Variants in MRGPRE observed in about 807,000 individuals in gnomAD.
The protein encoded by MRGPRE is MAS related GPR family member E.
For synonymous variants in MRGPRE, 229 were observed against 206.7 expected, an observed-to-expected ratio of 1.11 and a Z score of -0.92; for missense variants, 466 against 433.4, an observed-to-expected ratio of 1.08 and a Z score of -0.67.
At position 3,228,170 on chromosome 11, in the gene MRGPRE, G is replaced by A. The variant is rs1199546646; in HGVS notation, c.630C>T (p.Pro210=). 6.4e-7 allele frequency: 1 copy of A among 1,566,786 alleles called. No individual in the cohort carries two copies. Among genetic ancestry groups the A allele is most frequent in the Non-Finnish European group, 8.7e-7 (1 of 1,156,034 alleles). The part of the protein sequence containing the change: ...LLRVERGPQR[P]PPRGFPGLIL... ...TGAGCCCAGGGAAGCCCCGGGGTGG[G>A]GGCCGCTGGGGGCCTCGCTCCACCC... is the stretch of plus-strand genomic sequence containing the variant. The change falls in exon 2 of 2, where the codon CCC becomes CCT. Residue 210 remains proline, a synonymous_variant. Transcript: ENST00000389832.
rs1323680076 is a variant in MRGPRE, at chr11:3,231,578, G to T, written c.-62+563C>A. 6.7e-6 allele frequency among the ~76,000 whole-genome samples: 1 copy of T among 149,942 alleles called. No individual in the cohort carries two copies. The highest frequency in any genetic ancestry group is 1.5e-5 in the Non-Finnish European group (1 of 67,400). On this transcript the variant is annotated intron_variant, in intron 1 of 1. Coordinates refer to ENST00000389832, the MANE Select transcript of MRGPRE (RefSeq NM_001039165.4). This position sits in a 1 kb window ranked among gnomAD's most constrained non-coding sequence, Gnocchi z 4.7. ...GGGAGGAGAAGGAGGGGAGGAGGCG[G>T]GGGAGGACGATGGAAGAGAACAGGA... is the stretch of plus-strand genomic sequence containing the variant.
In MRGPRE at chr11:3,227,891, G is replaced by T; in HGVS notation, c.909C>A (p.Ser303=). Residue 303 remains serine (S), a synonymous_variant, in exon 2 of 2, where the codon TCC becomes TCA. Coordinates refer to ENST00000389832, the MANE Select transcript of MRGPRE (RefSeq NM_001039165.4). ...CTGCTATGTCCACCAGGCCCCGGCG[G>T]GAGGTCTCCCTGACGGCCCCCAGCT... ...EAELGAVRET[S]RRGLVDIAA 6.8e-7 allele frequency: 1 copy of T among 1,465,748 alleles called. No homozygotes were observed. The allele number at this position is 1,465,748 out of a possible 1,614,324, so 90.8% of individuals were successfully genotyped here. A position where few individuals can be genotyped will look rare whatever the true frequency, so the allele number is the denominator to read the frequency against.
In MRGPRE at chr11:3,226,835, C is replaced by G. The variant is rs1264583853; in HGVS notation, c.*1026G>C. Among the ~76,000 whole-genome samples the G allele has an allele frequency of 6.6e-6, 1 of 152,228 alleles. No individual in the cohort carries two copies. Among genetic ancestry groups the G allele is most frequent in the African/African-American group, 2.4e-5 (1 of 41,454 alleles). On this transcript the variant is annotated 3_prime_UTR_variant, in exon 2 of 2. Coordinates refer to ENST00000389832, the MANE Select transcript of MRGPRE (RefSeq NM_001039165.4). Reference sequence around the variant, plus strand: ...GCACTGGGTTCTCATATTTTACAGACCAGCAAACAGAGGCGTAGGGATGTT... The same window carrying G: ...GCACTGGGTTCTCATATTTTACAGAGCAGCAAACAGAGGCGTAGGGATGTT...
rs2134629308 is a variant in MRGPRE, at chr11:3,227,855, C to T, written c.*6G>A. On this transcript the variant is annotated 3_prime_UTR_variant, in exon 2 of 2. Transcript: ENST00000389832. ...GGGCTGCAGCTGGGGTCGGGGGCCC[C>T]AGGGCTCAGGCTGCTATGTCCACCA... The T allele has an allele frequency of 1.4e-6, 2 of 1,438,502 alleles. No homozygotes were observed. The highest frequency in any genetic ancestry group is 2.4e-4 in the Middle Eastern group (1 of 4,092). 89.1% of individuals were successfully genotyped at this position (1,438,502 alleles called of 1,614,324 possible).
chr11:3,230,208 G>A lies in MRGPRE; in HGVS notation c.-61-1348C>T, dbSNP rs375277972. On this transcript the variant is annotated intron_variant, in intron 1 of 1. Coordinates refer to ENST00000389832, the MANE Select transcript of MRGPRE (RefSeq NM_001039165.4). This position sits in a 1 kb window ranked among gnomAD's most constrained non-coding sequence, Gnocchi z 5.5. ...TTCTCCTCTTGGGGTTGGGGGAGAG[G>A]GGATGGGGCCTTGCCTCTCCCCAGA... 2.2e-4 allele frequency among the ~76,000 whole-genome samples: 34 copies of A among 152,212 alleles called. No individual in the cohort carries two copies. The East Asian group carries it at 4.7e-3, about 21-fold the overall frequency.
Position 3,226,465 on chromosome 11 carries a change from C to T in MRGPRE, c.*1396G>A, listed in dbSNP as rs1847761343. 1.3e-5 allele frequency: 2 copies of T among 152,196 alleles called. No individual in the cohort carries two copies. The highest frequency in any genetic ancestry group is 4.8e-5 in the African/African-American group (2 of 41,428). The allele number at this position is 152,196 out of a possible 1,614,324, so 9.4% of individuals were successfully genotyped here. A position where few individuals can be genotyped will look rare whatever the true frequency, so the allele number is the denominator to read the frequency against. ...AGGTGGGTCCAGCCCCTGGGGCTCC[C>T]AGTCTCAAGGGATACCTGGACCCAG... On this transcript the variant is annotated 3_prime_UTR_variant, in exon 2 of 2. Transcript: ENST00000389832.
At position 3,231,462 on chromosome 11, in the gene MRGPRE, G is replaced by A. The variant is rs529061270; in HGVS notation, c.-62+679C>T. 1.6e-4 allele frequency among the ~76,000 whole-genome samples: 24 copies of A among 152,196 alleles called. No individual in the cohort carries two copies. The South Asian group carries it at 4.8e-3, about 30-fold the overall frequency. ...ACTGGGGGCTCGGGAGGGAGGCAGA[G>A]CTCTGTAGGAAGGGTCGCCACAGTT... On this transcript the variant is annotated intron_variant, in intron 1 of 1. Coordinates refer to ENST00000389832, the MANE Select transcript of MRGPRE (RefSeq NM_001039165.4). The surrounding 1 kb of genome is among the most constrained non-coding windows in gnomAD (Gnocchi z 4.7).
In MRGPRE at chr11:3,230,894, C is replaced by T. The variant is rs977805712; in HGVS notation, c.-62+1247G>A. On this transcript the variant is annotated intron_variant, in intron 1 of 1. Transcript: ENST00000389832. The surrounding 1 kb of genome is among the most constrained non-coding windows in gnomAD (Gnocchi z 5.5). ...AGGAGGACACCCTGAGTGGGGCAGACGGGGCATCACTGCCATGGCAGGTGG... is the reference window on the plus strand; with the variant it reads ...AGGAGGACACCCTGAGTGGGGCAGATGGGGCATCACTGCCATGGCAGGTGG... 5.3e-5 allele frequency among the ~76,000 whole-genome samples: 8 copies of T among 151,170 alleles called. No individual in the cohort carries two copies. The highest frequency in any genetic ancestry group is 4.2e-4 in the South Asian group (2 of 4,760).
In MRGPRE at chr11:3,229,202, T is replaced by C. The variant is rs1847801823; in HGVS notation, c.-61-342A>G. ...CCTGTTGCTAGTGGTGCCTTGATCC[T>C]CAGAATGGGCTTTTTTTTTTTTTTT... is the stretch of plus-strand genomic sequence containing the variant. On this transcript the variant is annotated intron_variant, in intron 1 of 1. Coordinates refer to ENST00000389832, the MANE Select transcript of MRGPRE (RefSeq NM_001039165.4). This position sits in a 1 kb window ranked among gnomAD's most constrained non-coding sequence, Gnocchi z 4.4. Among the ~76,000 whole-genome samples, 1 of 140,064 alleles carries C rather than the reference T, an allele frequency of 7.1e-6. No homozygotes were observed. Among genetic ancestry groups the C allele is most frequent in the Admixed American group, 7.2e-5 (1 of 13,978 alleles). 91.9% of individuals were successfully genotyped at this position (140,064 alleles called of 152,430 possible). A position where few individuals can be genotyped will look rare whatever the true frequency, so the allele number is the denominator to read the frequency against.
rs1847743913 is a variant in MRGPRE, at chr11:3,225,059, T to C, written c.*2802A>G. On this transcript the variant is annotated 3_prime_UTR_variant, in exon 2 of 2. Coordinates refer to ENST00000389832, the MANE Select transcript of MRGPRE (RefSeq NM_001039165.4). ...GTTTTAAGTGTGATGTTTGGTTTTA[T>C]TTTTCCAGCGTGTGAGCTAATGAAC... 6.6e-6 allele frequency among the ~76,000 whole-genome samples: 1 copy of C among 152,264 alleles called. No homozygotes were observed.
chr11:3,230,200 G>A lies in MRGPRE; in HGVS notation c.-61-1340C>T, dbSNP rs1346022497. On this transcript the variant is annotated intron_variant, in intron 1 of 1. Coordinates refer to ENST00000389832, the MANE Select transcript of MRGPRE (RefSeq NM_001039165.4). The surrounding 1 kb of genome is among the most constrained non-coding windows in gnomAD (Gnocchi z 5.5). Reference sequence around the variant, plus strand: ...ACCCCAGCTTCTCCTCTTGGGGTTGGGGGAGAGGGGATGGGGCCTTGCCTC... The same window carrying A: ...ACCCCAGCTTCTCCTCTTGGGGTTGAGGGAGAGGGGATGGGGCCTTGCCTC... 1.3e-5 allele frequency among the ~76,000 whole-genome samples: 2 copies of A among 152,078 alleles called. No homozygotes were observed. The highest frequency in any genetic ancestry group is 4.8e-5 in the African/African-American group (2 of 41,422).
rs10766792 is a variant in MRGPRE, at chr11:3,229,974, A to G, written c.-61-1114T>C. On this transcript the variant is annotated intron_variant, in intron 1 of 1. Coordinates refer to ENST00000389832, the MANE Select transcript of MRGPRE (RefSeq NM_001039165.4). This position sits in a 1 kb window ranked among gnomAD's most constrained non-coding sequence, Gnocchi z 4.4. Reference sequence around the variant, plus strand: ...CGGGGACAGGTCCTGCGGGAGGGGTACTGAGTCCTGGGAGGCAGCACAAAT... The same window carrying G: ...CGGGGACAGGTCCTGCGGGAGGGGTGCTGAGTCCTGGGAGGCAGCACAAAT... Among the ~76,000 whole-genome samples, 101,289 of 152,086 alleles carry G rather than the reference A, an allele frequency of 0.67. 34,725 individuals are homozygous for G. The highest frequency in any genetic ancestry group is 0.97 in the East Asian group (4,999 of 5,170).
rs12271114 is a variant in MRGPRE, at chr11:3,229,680, C to T, written c.-61-820G>A. The stretch of plus-strand genomic sequence containing the variant: ...GGTTGTTTGCCAGTGGGCTCCCAGT[C>T]CCCAGCCCTCCAGCTTGGTCACACC... On this transcript the variant is annotated intron_variant, in intron 1 of 1. Coordinates refer to ENST00000389832, the MANE Select transcript of MRGPRE (RefSeq NM_001039165.4). This position sits in a 1 kb window ranked among gnomAD's most constrained non-coding sequence, Gnocchi z 4.4. 9.7e-3 allele frequency among the ~76,000 whole-genome samples: 1,481 copies of T among 152,284 alleles called. 15 individuals are homozygous for T. The highest frequency in any genetic ancestry group is 0.017 in the Non-Finnish European group (1,140 of 68,024).
Position 3,229,018 on chromosome 11 carries a change from A to C in MRGPRE, c.-61-158T>G, listed in dbSNP as rs80241990. ...TTTCCACCCTCAGCCACCTGACCTA[A>C]GCTTCTCTTCCCTAAGACACTCAGG... is the stretch of plus-strand genomic sequence containing the variant. On this transcript the variant is annotated intron_variant, in intron 1 of 1. Transcript: ENST00000389832. The surrounding 1 kb of genome is among the most constrained non-coding windows in gnomAD (Gnocchi z 4.4). Among the ~76,000 whole-genome samples the C allele has an allele frequency of 0.021, 3,208 of 152,114 alleles. 51 individuals are homozygous for C. Among genetic ancestry groups the C allele is most frequent in the Non-Finnish European group, 0.031 (2,124 of 67,984 alleles).
Position 3,228,746 on chromosome 11 carries a change from C to T in MRGPRE, c.54G>A (p.Gln18=). 6.2e-7 allele frequency: 1 copy of T among 1,613,310 alleles called. No homozygotes were observed. The highest frequency in any genetic ancestry group is 8.5e-7 in the Non-Finnish European group (1 of 1,179,690). ...GQHVGAANGA[Q]EDVAFNLIIL... ...TGATGAGGTTGAAGGCCACATCCTC[C>T]TGGGCGCCGTTGGCGGCCCCCACGT... Residue 18 remains glutamine (Q), a synonymous_variant, in exon 2 of 2, where the codon CAG becomes CAA. Coordinates refer to ENST00000389832, the MANE Select transcript of MRGPRE (RefSeq NM_001039165.4).
Position 3,231,181 on chromosome 11 carries a change from C to T in MRGPRE, c.-62+960G>A, listed in dbSNP as rs371057524. 2.3e-4 allele frequency among the ~76,000 whole-genome samples: 35 copies of T among 152,246 alleles called. No homozygotes were observed. Among genetic ancestry groups the T allele is most frequent in the African/African-American group, 7.9e-4 (33 of 41,544 alleles). ...GGGCCATGGTCCCTCTCCTATCTCA[C>T]CTCCTGCATGGCTGAGGAGGACACG... On this transcript the variant is annotated intron_variant, in intron 1 of 1. Transcript: ENST00000389832. The surrounding 1 kb of genome is among the most constrained non-coding windows in gnomAD (Gnocchi z 4.7).
At position 3,231,678 on chromosome 11, in the gene MRGPRE, C is replaced by T. The variant is rs1847831938; in HGVS notation, c.-62+463G>A. ...GATGGAACAGAAGAGGAGGGAGGCA[C>T]AGCATTCCCCATCCCTGGGTGGTCC... is the stretch of plus-strand genomic sequence containing the variant. On this transcript the variant is annotated intron_variant, in intron 1 of 1. Transcript: ENST00000389832. This position sits in a 1 kb window ranked among gnomAD's most constrained non-coding sequence, Gnocchi z 4.7. 1.3e-5 allele frequency among the ~76,000 whole-genome samples: 2 copies of T among 151,952 alleles called. No individual in the cohort carries two copies. Among genetic ancestry groups the T allele is most frequent in the South Asian group, 4.2e-4 (2 of 4,812 alleles).
rs1407078171 is a variant in MRGPRE at position 3,228,105 on chromosome 11, G to C, written c.695C>G (p.Pro232Arg). The change falls in exon 2 of 2, where the codon CCC (proline) becomes CGC (arginine). Residue 232 changes from proline (P) to arginine (R), a missense_variant. Coordinates refer to ENST00000389832, the MANE Select transcript of MRGPRE (RefSeq NM_001039165.4). The stretch of plus-strand genomic sequence containing the variant: ...CCGGGACAGCCAGTAGATGCCGAAG[G>C]GCAGGCCGCAGAAGAGGAAGAGGAG... ...TVLLFLFCGLPFGIYWLSRNL... is the reference protein window; with the variant it reads ...TVLLFLFCGLRFGIYWLSRNL... 1 of 1,598,728 alleles carries C rather than the reference G, an allele frequency of 6.3e-7. No homozygotes were observed. The highest frequency in any genetic ancestry group is 2.3e-5 in the East Asian group (1 of 44,356).
rs35962581 is a variant in MRGPRE at position 3,225,581 on chromosome 11, C to T, written c.*2280G>A. Among the ~76,000 whole-genome samples, 2 of 152,102 alleles carry T rather than the reference C, an allele frequency of 1.3e-5. No homozygotes were observed. The highest frequency in any genetic ancestry group is 2.4e-5 in the African/African-American group (1 of 41,420). ...GGGCAGGGGCAGGTGGGAGCCTGGA[C>T]GGAAGCTCAGCCTCCAGTTTGGAGG... is the stretch of plus-strand genomic sequence containing the variant. On this transcript the variant is annotated 3_prime_UTR_variant, in exon 2 of 2. Coordinates refer to ENST00000389832, the MANE Select transcript of MRGPRE (RefSeq NM_001039165.4).
Sources: gnomAD v4.1 joint callset for allele counts (sites outside exome capture counted in the v4.1 genomes callset) on GRCh38, gnomAD v4.1.1 for gene constraint, Gnocchi (gnomAD v3.1) non-coding constraint, MANE v1.5 for transcripts, NCBI Gene and HGNC (gene_info 2026-07-23, HGNC 2026-07-21) for gene names.